The following SLC2A14 variants were observed in gnomAD, a reference collection of about 807,000 sequenced individuals.
SLC2A14 encodes solute carrier family 2 member 14.
A neutral mutation model predicts 43.0 loss-of-function variants in SLC2A14; 13 were observed. The observed-to-expected ratio is 0.30, with a 90% CI of 0.20 to 0.48. SLC2A14 has a LOEUF of 0.48. Among genes scored for constraint, SLC2A14 ranks in the 20% least tolerant of loss-of-function variants. SLC2A14 has a pLI of 0.99. For synonymous variants in SLC2A14, 190 were observed against 233.8 expected (o/e 0.81, Z 1.71); for missense variants, 428 against 620.4 (o/e 0.69, Z 3.29).
At chr12:7,814,957 G>T (rs973967510) in intron 10 of SLC2A14, among the ~76,000 whole-genome samples, 1 of 151,750 alleles carries the variant, frequency 6.6e-6, no homozygotes, top group Non-Finnish European at 1.5e-5. Flanking sequence ...CCACCAGCAC[G>T]CCTGGCTAAT....
rs756197530 is a variant in SLC2A14, at chr12:7,831,601, T to C, written c.272+3A>G. ...ACTTCCTTGCCCAGTTTCTAGTCAA[T>C]ACCTGCCAAAGCGGTTAACAAAGAG... On this transcript the variant is annotated splice_donor_region_variant and intron_variant, in intron 4 of 10. Transcript: ENST00000431042. The C allele has an allele frequency of 6.2e-6, 10 of 1,614,004 alleles. No individual in the cohort carries two copies. Among genetic ancestry groups the C allele is most frequent in the African/African-American group, 1.3e-5 (1 of 75,032 alleles).
intron 2 of SLC2A14, among the ~76,000 whole-genome samples, chr12:7,855,143 T>G (rs1565554160): frequency 2.0e-5 from 3 of 152,156 alleles, no homozygotes; most frequent in Middle Eastern, 3.4e-3. Context: ...GGGAAATCAA[T>G]GAGCATCATC....
At position 7,831,694 on chromosome 12, in the gene SLC2A14, G is replaced by C; in HGVS notation, c.182C>G (p.Thr61Arg). ...GGCCACAGACAAGGACCAGAGATTC[G>C]TGAGCAGCACCTCAGAGGGAGGGGC... ...ANAPPSEVLLTNLWSLSVAIF... is the reference protein window; with the variant it reads ...ANAPPSEVLLRNLWSLSVAIF... Residue 61 changes from threonine to arginine, a missense_variant, in exon 4 of 11, where the codon ACG becomes AGG. Thr to Arg is a moderately conservative substitution (Grantham distance 71, BLOSUM62 -1). Around this residue, in one of 4 missense-constraint regions of SLC2A14, gnomAD observed 122 missense variants for 128.8 expected, o/e 0.95. Coordinates refer to ENST00000431042, the MANE Select transcript of SLC2A14 (RefSeq NM_001286234.2). The C allele has an allele frequency of 6.2e-7, 1 of 1,614,210 alleles. No homozygotes were observed. The highest frequency in any genetic ancestry group is 2.2e-5 in the East Asian group (1 of 44,888).
chr12:7,881,458 C>T lies in SLC2A14; in HGVS notation c.132+9538G>A, dbSNP rs137919910. On this transcript the variant is annotated intron_variant, in intron 1 of 9. Coordinates refer to the SLC2A14 transcript ENST00000539924. ...GCTGCGGAGGGTGTGCTGGGTTCCC[C>T]AGCAGTGCCGGCCCACCGGCGCTGC... Among the ~76,000 whole-genome samples the T allele has an allele frequency of 1.5e-3, 234 of 152,156 alleles. 4 individuals are homozygous for T. The East Asian group carries it at 0.024, about 15-fold the overall frequency.
At chr12:7,889,639 G>A (rs1340465612) in intron 1 of SLC2A14, among the ~76,000 whole-genome samples, 4 of 149,920 alleles carry the variant, frequency 2.7e-5, no homozygotes, top group Non-Finnish European at 5.9e-5. Flanking sequence ...AGGTTCAAGC[G>A]ATTCTCCTGC....
intron 2 of SLC2A14, among the ~76,000 whole-genome samples, chr12:7,855,825 CG>C (rs1398022114): frequency 6.6e-6 from 1 of 151,472 alleles, no homozygotes; most frequent in Non-Finnish European, 1.5e-5. Context: ...TTAGTAGAAA[CG>C]GGGTTTCACC....
chr12:7,845,991 G>A (rs1866435971), intron 2 of SLC2A14, among the ~76,000 whole-genome samples: 1 of 151,866 alleles, frequency 6.6e-6, no homozygotes, highest in South Asian at 2.1e-4. Context: ...TACCCAGGAA[G>A]CTAAGGCAGA....
At chr12:7,846,777 G>A (rs1411625932) in intron 2 of SLC2A14, among the ~76,000 whole-genome samples, 4 of 150,220 alleles carry the variant, frequency 2.7e-5, no homozygotes, top group South Asian at 4.2e-4. Flanking sequence ...GATTACAAGC[G>A]CCCGCCACTA....
chr12:7,890,412 G>A lies in SLC2A14; in HGVS notation c.132+584C>T, dbSNP rs10466854. Reference sequence around the variant, plus strand: ...TTCTCAGATCACTGAAGATCGTCCAGTCTTCCCTGCCCATCCCTTCCCGAC... The same window carrying A: ...TTCTCAGATCACTGAAGATCGTCCAATCTTCCCTGCCCATCCCTTCCCGAC... On this transcript the variant is annotated intron_variant, in intron 1 of 9. Transcript: ENST00000539924. Among the ~76,000 whole-genome samples, 873 of 152,110 alleles carry A rather than the reference G, an allele frequency of 5.7e-3. 9 individuals are homozygous for A. Among genetic ancestry groups the A allele is most frequent in the African/African-American group, 0.02 (823 of 41,492 alleles).
chr12:7,822,335 G>C (rs2120696726), intron 7 of SLC2A14, among the ~76,000 whole-genome samples: 1 of 151,916 alleles, frequency 6.6e-6, no homozygotes, highest in Admixed American at 6.6e-5. Context: ...TATTCCCACT[G>C]TTCCATTTCC....
chr12:7,847,169 T>A (rs749098666), intron 2 of SLC2A14, among the ~76,000 whole-genome samples: 1 of 151,940 alleles, frequency 6.6e-6, no homozygotes, highest in Non-Finnish European at 1.5e-5. Flanking sequence ...GGAGAATCAC[T>A]TGAACCTGGG....
Position 7,862,504 on chromosome 12 carries a change from C to G in SLC2A14, c.18+7359G>C, listed in dbSNP as rs28750840. Among the ~76,000 whole-genome samples, 11 of 151,870 alleles carry G rather than the reference C, an allele frequency of 7.2e-5. No individual in the cohort carries two copies. In the East Asian group the frequency reaches 1.4e-3, roughly 19 times the overall value. On this transcript the variant is annotated intron_variant, in intron 2 of 10. Coordinates refer to ENST00000431042, the MANE Select transcript of SLC2A14 (RefSeq NM_001286234.2). ...GGCCTCCTGTGCGGACGAGCCTCCC[C>G]GACGAATGCCGCCCCCTGCTCCACG...
chr12:7,888,085 T>C (rs897811853), intron 1 of SLC2A14, among the ~76,000 whole-genome samples: 1 of 152,072 alleles, frequency 6.6e-6, no homozygotes, highest in Non-Finnish European at 1.5e-5. Context: ...TTGCCACCAA[T>C]GTTGTCTCTC....
chr12:7,830,620 A>G (rs1292319896), intron 4 of SLC2A14, among the ~76,000 whole-genome samples: 1 of 151,826 alleles, frequency 6.6e-6, no homozygotes, highest in African/African-American at 2.4e-5. Context: ...TGGGTGACAG[A>G]GCAAGACCCT....
chr12:7,885,481 T>A (rs1273581708), intron 1 of SLC2A14, among the ~76,000 whole-genome samples: 1 of 151,960 alleles, frequency 6.6e-6, no homozygotes. Flanking sequence ...AAAAAGTTCT[T>A]GTAACTCTCC....
rs781719915 is a variant in SLC2A14, at chr12:7,827,327, G to A, written c.864+168C>T. Among the ~76,000 whole-genome samples the A allele has an allele frequency of 3.9e-4, 56 of 143,490 alleles. 1 individual carries two copies. The South Asian group carries it at 0.012, about 31-fold the overall frequency. The allele number at this position is 143,490 out of a possible 152,430, so 94.1% of individuals were successfully genotyped here. A position where few individuals can be genotyped will look rare whatever the true frequency, so the allele number is the denominator to read the frequency against. On this transcript the variant is annotated intron_variant, in intron 7 of 10. Coordinates refer to ENST00000431042, the MANE Select transcript of SLC2A14 (RefSeq NM_001286234.2). ...TTCTCACTCTGTCACCCAGGCTAGA[G>A]TGCAATGGCGCAATCTCAGCTCACT...
chr12:7,889,542 C>CTTT (rs35141630), intron 1 of SLC2A14, among the ~76,000 whole-genome samples: 1 of 142,752 alleles, frequency 7.0e-6, no homozygotes, highest in South Asian at 2.3e-4. Flanking sequence ...CTGGTTCCCC[C>CTTT]TTTTTTTTTT....
intron 2 of SLC2A14, among the ~76,000 whole-genome samples, chr12:7,846,923 C>G (rs567744700): frequency 6.6e-6 from 1 of 151,330 alleles, no homozygotes; most frequent in South Asian, 2.1e-4. Context: ...TGAGCCACCA[C>G]GTCTGGTCCT....
intron 2 of SLC2A14, among the ~76,000 whole-genome samples, chr12:7,868,913 G>C (rs1477660225): frequency 6.6e-6 from 1 of 152,082 alleles, no homozygotes; most frequent in Non-Finnish European, 1.5e-5. Context: ...GGGAGGCCGA[G>C]GCGGGCAGAT....
Sources: gnomAD v4.1 joint callset for allele counts (sites outside exome capture counted in the v4.1 genomes callset) on GRCh38, gnomAD v4.1.1 for gene constraint, gnomAD v4.1.1 regional missense constraint, MANE v1.5 for transcripts, NCBI Gene and HGNC (gene_info 2026-07-23, HGNC 2026-07-21) for gene names.